Variants in TMEM132C observed in about 807,000 individuals in gnomAD.
TMEM132C encodes transmembrane protein 132C, also known as protein phosphatase 1, regulatory subunit 152.
TMEM132C carries 29 observed loss-of-function variants against 61.4 expected under a neutral mutation model. The observed-to-expected ratio is 0.47, with a 90% CI of 0.35 to 0.64. The LOEUF (loss-of-function observed/expected upper bound fraction) is 0.64, where lower values mean the gene tolerates loss of function less well. Among genes scored for constraint, TMEM132C ranks in the 30% least tolerant of loss-of-function variants. TMEM132C has a pLI of 0.00. For missense variants in TMEM132C, 1,408 were observed against 1,476.9 expected (o/e 0.95, Z 0.76); for synonymous variants, 656 against 633.1 (o/e 1.04, Z -0.54).
At chr12:128,497,904 G>A (rs1170257798) in intron 2 of TMEM132C, among the ~76,000 whole-genome samples, 12 of 152,066 alleles carry the variant, frequency 7.9e-5, no homozygotes, top group African/African-American at 1.2e-4. Context: ...GAAATCACCC[G>A]TCTTCTGCAT....
intron 2 of TMEM132C, among the ~76,000 whole-genome samples, chr12:128,511,981 C>G (rs1254103666): frequency 6.6e-6 from 1 of 152,198 alleles, no homozygotes; most frequent in African/African-American, 2.4e-5. Flanking sequence ...CAGTCCCTCT[C>G]TGGCCTGACA....
chr12:128,589,570 G>A (rs1408655369), intron 3 of TMEM132C, among the ~76,000 whole-genome samples: 1 of 138,972 alleles, frequency 7.2e-6, no homozygotes, highest in African/African-American at 2.7e-5. Context: ...GCATCGTATA[G>A]TAGTAGATTT....
intron 3 of TMEM132C, among the ~76,000 whole-genome samples, chr12:128,582,879 A>G (rs1875397427): frequency 6.6e-6 from 1 of 152,070 alleles, no homozygotes; most frequent in African/African-American, 2.4e-5. Flanking sequence ...GGCTCAAGCG[A>G]TCCTCCCACC....
intron 1 of TMEM132C, among the ~76,000 whole-genome samples, chr12:128,331,509 GATGTGATATT>G (rs1872665143): frequency 6.6e-6 from 1 of 152,174 alleles, no homozygotes; most frequent in Non-Finnish European, 1.5e-5. Context: ...ATGAGTAGAA[GATGTGATATT>G]TGACTGTCTG....
intron 1 of TMEM132C, among the ~76,000 whole-genome samples, chr12:128,346,255 G>T (rs1593019373): frequency 1.3e-5 from 2 of 152,028 alleles, no homozygotes; most frequent in East Asian, 3.9e-4. Context: ...CTCTTCCATT[G>T]GTCTATATGT....
chr12:128,383,697 C>T (rs976771796), intron 1 of TMEM132C, among the ~76,000 whole-genome samples: 6 of 152,166 alleles, frequency 3.9e-5, no homozygotes, highest in Non-Finnish European at 8.8e-5. Flanking sequence ...CTGGAGCTTG[C>T]TTGAATGAGT....
chr12:128,471,729 C>A (rs1461270466), intron 2 of TMEM132C, among the ~76,000 whole-genome samples: 2 of 152,104 alleles, frequency 1.3e-5, no homozygotes, highest in African/African-American at 4.8e-5. Context: ...TCAGTCTTCT[C>A]ATCTAGAAAA....
chr12:128,607,338 G>A (rs868559649), intron 3 of TMEM132C, among the ~76,000 whole-genome samples: 1 of 152,192 alleles, frequency 6.6e-6, no homozygotes, highest in African/African-American at 2.4e-5. Context: ...CAGAAGCCCT[G>A]GTGAGGACTT....
At chr12:128,448,472 C>T (rs888753628) in intron 2 of TMEM132C, among the ~76,000 whole-genome samples, 2 of 152,148 alleles carry the variant, frequency 1.3e-5, no homozygotes, top group East Asian at 1.9e-4. Context: ...GCCTCAGGGC[C>T]ATCTGTGTGT....
intron 3 of TMEM132C, among the ~76,000 whole-genome samples, chr12:128,577,814 T>C (rs1875174933): frequency 6.6e-6 from 1 of 152,194 alleles, no homozygotes; most frequent in Non-Finnish European, 1.5e-5. Flanking sequence ...TACCTGCCCT[T>C]TTAGTCCTGC....
intron 1 of TMEM132C, among the ~76,000 whole-genome samples, chr12:128,398,504 G>A (rs1205718147): frequency 6.6e-6 from 1 of 152,152 alleles, no homozygotes; most frequent in Non-Finnish European, 1.5e-5. Context: ...TATGATGTTG[G>A]CACGTTGCCC....
intron 2 of TMEM132C, among the ~76,000 whole-genome samples, chr12:128,517,041 G>A (rs557006221): frequency 6.7e-6 from 1 of 148,420 alleles, no homozygotes; most frequent in African/African-American, 2.5e-5. Flanking sequence ...GGCCAACACA[G>A]TGACACCTGT....
At chr12:128,359,071 G>C (rs924170584) in intron 1 of TMEM132C, among the ~76,000 whole-genome samples, 22 of 152,192 alleles carry the variant, frequency 1.4e-4, no homozygotes, top group Non-Finnish European at 2.9e-4. Flanking sequence ...TGGTGGTTCT[G>C]AGCAGCTTCA....
intron 8 of TMEM132C, among the ~76,000 whole-genome samples, chr12:128,704,106 G>A (rs1424005232): frequency 6.6e-6 from 1 of 152,210 alleles, no homozygotes; most frequent in African/African-American, 2.4e-5. Flanking sequence ...GCATGGGTGT[G>A]AGTGGCATTT....
chr12:128,488,707 G>A (rs191116036), intron 2 of TMEM132C, among the ~76,000 whole-genome samples: 16 of 151,410 alleles, frequency 1.1e-4, no homozygotes, highest in African/African-American at 3.4e-4. Context: ...ACTAAATATT[G>A]TATATTAATG....
intron 1 of TMEM132C, among the ~76,000 whole-genome samples, chr12:128,310,061 A>G (rs1435308357): frequency 6.6e-6 from 1 of 152,178 alleles, no homozygotes; most frequent in Admixed American, 6.5e-5. Flanking sequence ...TCAGGGCTGG[A>G]TAATATTTCA....
At chr12:128,481,202 G>A (rs767408125) in intron 2 of TMEM132C, among the ~76,000 whole-genome samples, 1 of 152,210 alleles carries the variant, frequency 6.6e-6, no homozygotes, top group Non-Finnish European at 1.5e-5. Context: ...GCAGCGGCAG[G>A]TGACACCTTG....
At chr12:128,530,768 T>C (rs1873267278) in intron 2 of TMEM132C, among the ~76,000 whole-genome samples, 1 of 152,206 alleles carries the variant, frequency 6.6e-6, no homozygotes, top group Admixed American at 6.5e-5. Flanking sequence ...TTATATAGTA[T>C]TTTCCTCATT....
intron 4 of TMEM132C, among the ~76,000 whole-genome samples, chr12:128,624,492 C>T (rs529721344): frequency 2.3e-4 from 33 of 141,844 alleles, no homozygotes; most frequent in East Asian, 8.3e-4. Flanking sequence ...TGCAGTGAGC[C>T]GAGATCGTGC....
Sources: gnomAD v4.1 joint callset for allele counts (sites outside exome capture counted in the v4.1 genomes callset) on GRCh38, gnomAD v4.1.1 for gene constraint, MANE v1.5 for transcripts, NCBI Gene and HGNC (gene_info 2026-07-23, HGNC 2026-07-21) for gene names.